The following NAV2 variants were observed in gnomAD, a reference collection of about 807,000 sequenced individuals.
The protein encoded by NAV2 is neuron navigator 2.
Under a neutral mutation model 223.2 loss-of-function variants are expected in NAV2, and 54 were observed. The observed-to-expected ratio is 0.24, with a 90% CI of 0.19 to 0.30. NAV2 has a LOEUF of 0.30. Ranked by LOEUF, NAV2 falls within the 10% of genes least tolerant of loss-of-function variation. The pLI is 1.00. For missense variants in NAV2, 2,806 were observed against 3,147.5 expected, an observed-to-expected ratio of 0.89 and a Z score of 2.60; for synonymous variants, 1,279 against 1,239.3, an observed-to-expected ratio of 1.03 and a Z score of -0.67.
intron 11 of NAV2, among the ~76,000 whole-genome samples, chr11:19,989,908 A>G (rs1268974481): frequency 6.6e-6 from 1 of 152,096 alleles, no homozygotes; most frequent in African/African-American, 2.4e-5. Flanking sequence ...CTTTGTAGAG[A>G]TTCCCTAATT....
chr11:20,022,867 T>C (rs1442675468), intron 11 of NAV2: 1 of 1,349,196 alleles, frequency 7.4e-7, no homozygotes, highest in Non-Finnish European at 9.5e-7. Flanking sequence ...ATACCAGCAC[T>C]GAGGCCTGAC....
At chr11:20,004,707 A>G (rs944341280) in intron 11 of NAV2, among the ~76,000 whole-genome samples, 57 of 152,146 alleles carry the variant, frequency 3.7e-4, no homozygotes, top group African/African-American at 1.4e-3. Context: ...TTTTCACATT[A>G]CAAACATGAA....
At chr11:20,014,308 A>AT (rs2053825918) in intron 11 of NAV2, among the ~76,000 whole-genome samples, 2 of 152,220 alleles carry the variant, frequency 1.3e-5, no homozygotes, top group African/African-American at 4.8e-5. Context: ...GCACTGAAAC[A>AT]TTTTCTTCAT....
At chr11:19,753,737 T>A (rs948609899) in intron 1 of NAV2, among the ~76,000 whole-genome samples, 1 of 152,244 alleles carries the variant, frequency 6.6e-6, no homozygotes, top group Admixed American at 6.5e-5. Context: ...ACCCAGCCCC[T>A]GATTATCTTC....
intron 4 of NAV2, among the ~76,000 whole-genome samples, chr11:19,872,238 CAT>C (rs1430832990): frequency 6.6e-6 from 1 of 152,210 alleles, no homozygotes; most frequent in Non-Finnish European, 1.5e-5. Flanking sequence ...GAACTTACCA[CAT>C]GTCAGTCACT....
chr11:20,072,400 T>C (rs2059459008), intron 22 of NAV2, among the ~76,000 whole-genome samples: 1 of 152,200 alleles, frequency 6.6e-6, no homozygotes, highest in Admixed American at 6.5e-5. Context: ...TTGCTTAAGA[T>C]TGTCTTGGCT....
chr11:19,469,695 C>T (rs538942499), intron 1 of NAV2, among the ~76,000 whole-genome samples: 2 of 152,192 alleles, frequency 1.3e-5, no homozygotes. Context: ...AGGAAAAAAA[C>T]CACTGAAGTC....
intron 37 of NAV2, among the ~76,000 whole-genome samples, chr11:20,116,121 T>C (rs2249760): frequency 0.083 from 12,568 of 152,234 alleles, 1,049 homozygotes; most frequent in East Asian, 0.38. Context: ...CAAGCTTTCT[T>C]GGCAGGCATA....
chr11:19,874,634 A>G (rs1261866215), intron 4 of NAV2, among the ~76,000 whole-genome samples: 1 of 152,244 alleles, frequency 6.6e-6, no homozygotes, highest in East Asian at 1.9e-4. Flanking sequence ...ATATAATTCT[A>G]GCTATTTTAG....
At chr11:19,389,577 A>G (rs1430197338) in intron 1 of NAV2, among the ~76,000 whole-genome samples, 2 of 152,202 alleles carry the variant, frequency 1.3e-5, no homozygotes, top group Non-Finnish European at 2.9e-5. Flanking sequence ...AAGATCAAGG[A>G]CAGTCATCAC....
At chr11:20,065,802 C>A (rs760930235) in intron 20 of NAV2, among the ~76,000 whole-genome samples, 74 of 152,222 alleles carry the variant, frequency 4.9e-4, no homozygotes, top group Non-Finnish European at 9.3e-4. Context: ...TGCTAACAGG[C>A]CTCCGCCAGC....
intron 5 of NAV2, among the ~76,000 whole-genome samples, chr11:19,884,770 CTTGTGCTTTGTG>C (rs1413767041): frequency 7.7e-6 from 1 of 130,190 alleles, no homozygotes; most frequent in Non-Finnish European, 1.6e-5. Context: ...ATTTATGTGT[CTTGTGCTTTGTG>C]TTGTTGTTGT....
chr11:19,431,996 G>A (rs1020781046), intron 1 of NAV2, among the ~76,000 whole-genome samples: 11 of 152,156 alleles, frequency 7.2e-5, no homozygotes, highest in East Asian at 1.9e-4. Context: ...TCAGGAGTTC[G>A]AGACCAGCCT....
intron 1 of NAV2, among the ~76,000 whole-genome samples, chr11:19,586,490 T>G (rs940649638): frequency 6.6e-6 from 1 of 152,232 alleles, no homozygotes; most frequent in Non-Finnish European, 1.5e-5. Flanking sequence ...CTGCTCTGTT[T>G]TTTCCCCATC....
chr11:19,693,955 G>T (rs1346404032), intron 1 of NAV2, among the ~76,000 whole-genome samples: 1 of 152,214 alleles, frequency 6.6e-6, no homozygotes, highest in African/African-American at 2.4e-5. Context: ...AAAAGTAGTT[G>T]TTATAGACAA....
chr11:19,643,717 C>A (rs371926377), intron 1 of NAV2, among the ~76,000 whole-genome samples: 3 of 152,136 alleles, frequency 2.0e-5, no homozygotes, highest in Admixed American at 2.0e-4. Context: ...ATTTCTAGTT[C>A]TAGATCCATG....
chr11:20,038,298 A>G lies in NAV2; in HGVS notation c.2907+2201A>G, dbSNP rs566378478. On this transcript the variant is annotated intron_variant, in intron 12 of 37. Transcript: ENST00000349880. ...TTGATCAAGATCAGAAGTTATTTTA[A>G]GGGATGTAAATGGTTTACTACTCAT... Among the ~76,000 whole-genome samples, 6 of 152,344 alleles carry G rather than the reference A, an allele frequency of 3.9e-5. No individual in the cohort carries two copies. In the South Asian group the frequency reaches 1.0e-3, roughly 26 times the overall value.
At chr11:19,786,108 C>A (rs1400856420) in intron 1 of NAV2, among the ~76,000 whole-genome samples, 2 of 152,166 alleles carry the variant, frequency 1.3e-5, no homozygotes, top group Non-Finnish European at 2.9e-5. Context: ...GACTTAATTC[C>A]CAGAAGTGTT....
At chr11:19,996,569 C>T (rs752648720) in intron 11 of NAV2, among the ~76,000 whole-genome samples, 77 of 152,214 alleles carry the variant, frequency 5.1e-4, no homozygotes, top group Non-Finnish European at 7.2e-4. Context: ...ATTGCCAGAA[C>T]CCCCAGCTGA....
Sources: gnomAD v4.1 joint callset for allele counts (sites outside exome capture counted in the v4.1 genomes callset) on GRCh38, gnomAD v4.1.1 for gene constraint, MANE v1.5 for transcripts, NCBI Gene and HGNC (gene_info 2026-07-23, HGNC 2026-07-21) for gene names.